Variants in ATP1B3 observed in about 807,000 individuals in gnomAD.
The protein encoded by ATP1B3 is sodium/potassium-transporting ATPase subunit beta-3.
In ATP1B3, 10 loss-of-function variants were observed where a neutral mutation model predicts 30.2. The ratio of observed to expected loss-of-function variants is 0.33; its 90% CI spans 0.20 to 0.56. ATP1B3 has a LOEUF of 0.56. Among genes scored for constraint, ATP1B3 ranks in the 20% least tolerant of loss-of-function variants. The pLI is 0.90. For missense variants in ATP1B3, 238 were observed against 336.7 expected, an observed-to-expected ratio of 0.71 and a Z score of 2.29; for synonymous variants, 113 against 117.0, an observed-to-expected ratio of 0.97 and a Z score of 0.22.
intron 1 of ATP1B3, among the ~76,000 whole-genome samples, chr3:141,887,147 T>A (rs1022251232): frequency 2.6e-5 from 4 of 152,148 alleles, no homozygotes; most frequent in African/African-American, 9.7e-5. Context: ...GACCACACGG[T>A]GTTTGTTGCA....
At chr3:141,876,972 C>A in intron 1 of ATP1B3, 62 bp downstream of exon 1, 1 of 1,322,008 alleles carries the variant, frequency 7.6e-7, no homozygotes, top group South Asian at 1.4e-5. Flanking sequence ...CGGGCGCGGT[C>A]TGGTGGGAAC....
intron 1 of ATP1B3, among the ~76,000 whole-genome samples, chr3:141,900,949 T>C (rs1364800722): frequency 6.6e-6 from 1 of 152,058 alleles, no homozygotes; most frequent in African/African-American, 2.4e-5. Context: ...CGCCTGGCTA[T>C]TTTTTGCATT....
At chr3:141,879,353 A>C (rs575474371) in intron 1 of ATP1B3, among the ~76,000 whole-genome samples, 1 of 152,266 alleles carries the variant, frequency 6.6e-6, no homozygotes, top group East Asian at 1.9e-4. Context: ...TTACATTTTG[A>C]AAACTTGTTT....
intron 1 of ATP1B3, among the ~76,000 whole-genome samples, chr3:141,877,848 CT>C (rs756996673): frequency 1.4e-4 from 18 of 132,510 alleles, no homozygotes; most frequent in Non-Finnish European, 2.7e-4. Flanking sequence ...TTTTTTTTGC[CT>C]TTATACTTAA....
intron 1 of ATP1B3, 79 bp downstream of exon 1, chr3:141,876,989 G>C: frequency 1.8e-6 from 2 of 1,134,294 alleles, no homozygotes; most frequent in South Asian, 1.8e-5. Flanking sequence ...GAACGGAAAG[G>C]CGGGAGGCGG....
At position 141,876,917 on chromosome 3, in the gene ATP1B3, G is replaced by A. The variant is rs777331772; in HGVS notation, c.109+7G>A. ...CGCACCGCCAAGAGCTGGGGTGAGCGGGCAGCAGCTGGGCGTCCGGGGCCG... is the reference window on the plus strand; with the variant it reads ...CGCACCGCCAAGAGCTGGGGTGAGCAGGCAGCAGCTGGGCGTCCGGGGCCG... On this transcript the variant is annotated splice_region_variant and intron_variant, in intron 1 of 6. Transcript: ENST00000286371. 2.6e-6 allele frequency: 4 copies of A among 1,558,738 alleles called. No homozygotes were observed. Among genetic ancestry groups the A allele is most frequent in the African/African-American group, 1.4e-5 (1 of 69,972 alleles).
chr3:141,876,935 CG>C (rs1933607210), intron 1 of ATP1B3, 25 bp downstream of exon 1: 38 of 1,532,466 alleles, frequency 2.5e-5, no homozygotes, highest in Non-Finnish European at 3.3e-5. Context: ...GCTGGGCGTC[CG>C]GGGCCGGCCT....
intron 3 of ATP1B3, among the ~76,000 whole-genome samples, chr3:141,913,106 ACT>A (rs1262359881): frequency 6.6e-6 from 1 of 151,246 alleles, no homozygotes; most frequent in South Asian, 2.1e-4. Context: ...AGTTTACAAG[ACT>A]CTATATGGTC....
At chr3:141,905,153 G>A (rs1171126904) in intron 2 of ATP1B3, among the ~76,000 whole-genome samples, 1 of 152,144 alleles carries the variant, frequency 6.6e-6, no homozygotes, top group Non-Finnish European at 1.5e-5. Flanking sequence ...AACTGCTATA[G>A]ATGACAGAGA....
At chr3:141,877,316 G>A (rs558608052) in intron 1 of ATP1B3, among the ~76,000 whole-genome samples, 109 of 152,096 alleles carry the variant, frequency 7.2e-4, no homozygotes, top group Admixed American at 1.3e-3. Flanking sequence ...AGGCCCTGGC[G>A]GAGGCGCCCG....
At chr3:141,899,534 CTT>C (rs1273423889) in intron 1 of ATP1B3, among the ~76,000 whole-genome samples, 1 of 152,122 alleles carries the variant, frequency 6.6e-6, no homozygotes, top group African/African-American at 2.4e-5. Context: ...AGCCCAGTGA[CTT>C]TTCCCTGTGT....
chr3:141,917,110 CT>C (rs1300361668), intron 5 of ATP1B3, among the ~76,000 whole-genome samples: 1 of 150,894 alleles, frequency 6.6e-6, no homozygotes, highest in Non-Finnish European at 1.5e-5. Context: ...GCCTCGGCCT[CT>C]CAAAGTGCTG....
intron 1 of ATP1B3, among the ~76,000 whole-genome samples, chr3:141,895,850 A>C (rs1934055867): frequency 6.6e-6 from 1 of 152,148 alleles, no homozygotes; most frequent in Non-Finnish European, 1.5e-5. Flanking sequence ...AGGATGTGAG[A>C]GTTTCAGTTG....
intron 4 of ATP1B3, 87 bp from the exon 5 acceptor site, chr3:141,915,883 T>G: frequency 2.0e-6 from 2 of 1,006,588 alleles, no homozygotes; most frequent in Non-Finnish European, 3.0e-6. Context: ...TCTCAAAGTC[T>G]TCACCCCTTG....
chr3:141,916,673 GTTACA>G, intron 5 of ATP1B3: 1 of 896,926 alleles, frequency 1.1e-6, no homozygotes, highest in Middle Eastern at 3.6e-4. Flanking sequence ...TACTTAGAAT[GTTACA>G]TTGAAATCAC....
At chr3:141,924,205 G>C in intron 6 of ATP1B3, among the ~76,000 whole-genome samples, 1 of 151,922 alleles carries the variant, frequency 6.6e-6, no homozygotes, top group African/African-American at 2.4e-5. Context: ...TTAGCTGACC[G>C]TGGTGGCACA....
intron 3 of ATP1B3, 81 bp downstream of exon 3, chr3:141,907,355 C>G: frequency 1.1e-6 from 1 of 946,330 alleles, no homozygotes; most frequent in Non-Finnish European, 1.6e-6. Context: ...CACGGTAGCT[C>G]ACGCCTGTAA....
In ATP1B3 at chr3:141,895,216, T is replaced by C. The variant is rs201602998; in HGVS notation, c.110-8404T>C. Among the ~76,000 whole-genome samples, 8 of 148,682 alleles carry C rather than the reference T, an allele frequency of 5.4e-5. No homozygotes were observed. In the East Asian group the frequency reaches 1.6e-3, roughly 30 times the overall value. ...TTTTTTTTTTTTTTTTAAGATGGAC[T>C]CTTACCCTGTTGCCCGGGCTGGAGT... On this transcript the variant is annotated intron_variant, in intron 1 of 6. Transcript: ENST00000286371.
At chr3:141,919,948 A>G (rs548436778) in intron 5 of ATP1B3, among the ~76,000 whole-genome samples, 28 of 152,304 alleles carry the variant, frequency 1.8e-4, no homozygotes, top group Admixed American at 1.7e-3. Flanking sequence ...AAAAGAAAAA[A>G]AAATATGCTA....
Sources: allele counts gnomAD v4.1 joint callset (sites outside exome capture counted in the v4.1 genomes callset), GRCh38; gene constraint gnomAD v4.1.1; transcripts MANE v1.5; gene names NCBI Gene and HGNC (gene_info 2026-07-23, HGNC 2026-07-21).